The following PIAS2 variants were observed in gnomAD, a reference collection of about 807,000 sequenced individuals.
The protein encoded by PIAS2 is E3 SUMO-protein ligase PIAS2.
A neutral mutation model predicts 69.7 loss-of-function variants in PIAS2; 19 were observed. The observed-to-expected ratio is 0.27, with a 90% CI of 0.19 to 0.40. The LOEUF (loss-of-function observed/expected upper bound fraction) is 0.40. PIAS2 is among the 10% of genes least tolerant of loss of function. The pLI, the probability that PIAS2 is intolerant of heterozygous loss-of-function variation, is 1.00. For missense variants in PIAS2, 624 were observed against 757.0 expected (o/e 0.82, Z 2.06); for synonymous variants, 261 against 263.2 (o/e 0.99, Z 0.08).
rs987508090 is a variant in PIAS2, at chr18:46,867,491, A to G, written c.500-3243T>C. 1.2e-4 allele frequency among the ~76,000 whole-genome samples: 18 copies of G among 152,250 alleles called. 1 individual carries two copies. Among genetic ancestry groups the G allele is most frequent in the Admixed American group, 8.5e-4 (13 of 15,284 alleles). On this transcript the variant is annotated intron_variant, in intron 2 of 13. Coordinates refer to ENST00000585916, the MANE Select transcript of PIAS2 (RefSeq NM_004671.5). ...AACCATGAGAAAGAATGCAGGATGC[A>G]AAGTATGCAGGTTTTGCAGTTTATT...
At chr18:46,842,897 A>G (rs963213733) in intron 8 of PIAS2, among the ~76,000 whole-genome samples, 1 of 152,324 alleles carries the variant, frequency 6.6e-6, no homozygotes, top group South Asian at 2.1e-4. Context: ...TCAAAAAATT[A>G]TATTTCAATA....
At chr18:46,845,491 C>G (rs2046035203) in intron 6 of PIAS2, among the ~76,000 whole-genome samples, 1 of 152,084 alleles carries the variant, frequency 6.6e-6, no homozygotes, top group Non-Finnish European at 1.5e-5. Context: ...ATGTAAGACA[C>G]ATGAAGAATG....
chr18:46,892,949 C>A (rs1314395804), intron 1 of PIAS2, among the ~76,000 whole-genome samples: 2 of 151,984 alleles, frequency 1.3e-5, no homozygotes, highest in Non-Finnish European at 2.9e-5. Flanking sequence ...ATATTTTACA[C>A]TTACAATACA....
chr18:46,897,625 C>CAT (rs2055106184), intron 1 of PIAS2, among the ~76,000 whole-genome samples: 1 of 152,022 alleles, frequency 6.6e-6, no homozygotes, highest in South Asian at 2.1e-4. Flanking sequence ...GTAGAAAAGC[C>CAT]ATATGATTAA....
intron 1 of PIAS2, among the ~76,000 whole-genome samples, chr18:46,896,951 T>C (rs1218942780): frequency 6.6e-6 from 1 of 152,238 alleles, no homozygotes; most frequent in Admixed American, 6.5e-5. Context: ...TGGAGTTTCC[T>C]TTCAAATAAT....
chr18:46,826,538 A>G (rs1340045193), intron 11 of PIAS2, among the ~76,000 whole-genome samples: 1 of 152,230 alleles, frequency 6.6e-6, no homozygotes, highest in Non-Finnish European at 1.5e-5. Context: ...AGTAAAATCC[A>G]GAAACATCAC....
upstream of PIAS2, among the ~76,000 whole-genome samples, chr18:46,919,292 G>C (rs2031695826): frequency 6.6e-6 from 1 of 151,948 alleles, no homozygotes; most frequent in Non-Finnish European, 1.5e-5. Flanking sequence ...TTGGAGGCCA[G>C]CCTGACCAAC....
intron 5 of PIAS2, chr18:46,853,193 C>T (rs1161720323): frequency 1.3e-5 from 2 of 151,704 alleles, no homozygotes; most frequent in Non-Finnish European, 2.9e-5. Context: ...GGGAGAATCG[C>T]TTGAGCCTCT....
chr18:46,917,485 C>T lies in PIAS2; in HGVS notation c.-140G>A, dbSNP rs2058120043. The T allele has an allele frequency of 1.7e-6, 2 of 1,203,576 alleles. No homozygotes were observed. Among genetic ancestry groups the T allele is most frequent in the Non-Finnish European group, 2.1e-6 (2 of 965,644 alleles). 74.6% of individuals were successfully genotyped at this position (1,203,576 alleles called of 1,614,324 possible). ...CCGCTTAAGACGCCGCGGCCGCCGCCGCTACAGCCGGGCCCGTCACGTGAA... is the reference window on the plus strand; with the variant it reads ...CCGCTTAAGACGCCGCGGCCGCCGCTGCTACAGCCGGGCCCGTCACGTGAA... On this transcript the variant is annotated 5_prime_UTR_variant, in exon 1 of 14. Transcript: ENST00000585916.
At chr18:46,841,146 AAAT>A (rs1442610975) in intron 8 of PIAS2, among the ~76,000 whole-genome samples, 1 of 152,194 alleles carries the variant, frequency 6.6e-6, no homozygotes, top group Admixed American at 6.5e-5. Context: ...TGGTGTTCAG[AAAT>A]ATAATTATGC....
intron 9 of PIAS2, among the ~76,000 whole-genome samples, chr18:46,831,282 C>T (rs1463582013): frequency 6.6e-6 from 1 of 151,496 alleles, no homozygotes; most frequent in Admixed American, 6.6e-5. Flanking sequence ...TTTTAAATAC[C>T]ACAGAGATAT....
At chr18:46,844,891 T>C in intron 6 of PIAS2, 52 bp from the exon 7 acceptor site, 1 of 681,646 alleles carries the variant, frequency 1.5e-6, no homozygotes, top group Non-Finnish European at 2.4e-6. Flanking sequence ...AATATTCTCT[T>C]TGTTTACATG....
In PIAS2 at chr18:46,879,453, T is replaced by G. The variant is rs142473593; in HGVS notation, c.499+11127A>C. 4.6e-3 allele frequency among the ~76,000 whole-genome samples: 697 copies of G among 152,288 alleles called. 6 individuals are homozygous for G. Among genetic ancestry groups the G allele is most frequent in the Middle Eastern group, 6.8e-3 (2 of 294 alleles). Reference sequence around the variant, plus strand: ...AGAAACTGGAACCCCTGTGCACTGCTGGTGGGGAATGTAAAATGGTGCAGC... The same window carrying G: ...AGAAACTGGAACCCCTGTGCACTGCGGGTGGGGAATGTAAAATGGTGCAGC... On this transcript the variant is annotated intron_variant, in intron 2 of 13. Coordinates refer to ENST00000585916, the MANE Select transcript of PIAS2 (RefSeq NM_004671.5).
chr18:46,852,145 CAG>C (rs1408707139), intron 5 of PIAS2, among the ~76,000 whole-genome samples: 1 of 152,194 alleles, frequency 6.6e-6, no homozygotes, highest in Non-Finnish European at 1.5e-5. Flanking sequence ...TTAAAAACTG[CAG>C]AATCTTGTTT....
intron 1 of PIAS2, among the ~76,000 whole-genome samples, chr18:46,906,571 A>C (rs886761136): frequency 2.0e-5 from 3 of 152,220 alleles, no homozygotes; most frequent in Non-Finnish European, 2.9e-5. Flanking sequence ...ATTTGTTAGA[A>C]ATAAATCTAA....
At chr18:46,839,965 A>G (rs545034868) in intron 8 of PIAS2, among the ~76,000 whole-genome samples, 2 of 152,184 alleles carry the variant, frequency 1.3e-5, no homozygotes, top group South Asian at 4.1e-4. Context: ...GCTCGAGACC[A>G]GCCTGACCAA....
At chr18:46,841,722 C>T (rs533579843) in intron 8 of PIAS2, among the ~76,000 whole-genome samples, 1 of 152,298 alleles carries the variant, frequency 6.6e-6, no homozygotes, top group Admixed American at 6.5e-5. Context: ...AAAAGACAGT[C>T]TCACGAATAG....
At chr18:46,881,329 T>C (rs1279490338) in intron 2 of PIAS2, among the ~76,000 whole-genome samples, 1 of 152,234 alleles carries the variant, frequency 6.6e-6, no homozygotes, top group African/African-American at 2.4e-5. Flanking sequence ...TTTTATTTTC[T>C]ATTTTATTCT....
At chr18:46,870,509 G>C (rs1248036895) in intron 2 of PIAS2, among the ~76,000 whole-genome samples, 1 of 150,136 alleles carries the variant, frequency 6.7e-6, no homozygotes, top group Non-Finnish European at 1.5e-5. Flanking sequence ...CCAGCTACTT[G>C]GGAGGCTGAG....
Sources: gnomAD v4.1 joint callset for allele counts (sites outside exome capture counted in the v4.1 genomes callset) on GRCh38, gnomAD v4.1.1 for gene constraint, MANE v1.5 for transcripts, NCBI Gene and HGNC (gene_info 2026-07-23, HGNC 2026-07-21) for gene names.